Variants in FBXL5 observed in about 807,000 individuals in gnomAD.
FBXL5 encodes F-box/LRR-repeat protein 5.
In FBXL5, 26 loss-of-function variants were observed where a neutral mutation model predicts 78.3. The ratio of observed to expected loss-of-function variants is 0.33; its 90% CI spans 0.24 to 0.46. FBXL5 has a LOEUF of 0.46. Among genes scored for constraint, FBXL5 ranks in the 20% least tolerant of loss-of-function variants. The probability of loss-of-function intolerance (pLI) is 1.00; values close to 1 mark genes in which losing one functional copy is unlikely to be tolerated. For synonymous variants in FBXL5, 295 were observed against 282.5 expected, an observed-to-expected ratio of 1.04 and a Z score of -0.45; for missense variants, 710 against 829.2, an observed-to-expected ratio of 0.86 and a Z score of 1.77.
rs559813236 is a variant in FBXL5 at position 15,608,765 on chromosome 4, A to C, written c.2000-2966T>G. Among the ~76,000 whole-genome samples the C allele has an allele frequency of 3.9e-5, 6 of 152,216 alleles. No homozygotes were observed. The East Asian group carries it at 1.2e-3, about 29-fold the overall frequency. ...AGTAACTATAGTATTAAATGACTCA[A>C]AACTACAATCCTATGATAAGGTAAA... On this transcript the variant is annotated intron_variant, in intron 10 of 10. Coordinates refer to ENST00000341285, the MANE Select transcript of FBXL5 (RefSeq NM_012161.4).
chr4:15,636,228 A>G (rs1337612647), intron 5 of FBXL5: 1 of 310,826 alleles, frequency 3.2e-6, no homozygotes, highest in Non-Finnish European at 5.9e-6. Flanking sequence ...TATCTTCAAT[A>G]ATTATCAATT....
intron 1 of FBXL5, among the ~76,000 whole-genome samples, chr4:15,674,201 C>A (rs1441994782): frequency 7.4e-6 from 1 of 136,048 alleles, no homozygotes; most frequent in Non-Finnish European, 1.6e-5. Context: ...TCAAATGCAT[C>A]GTGTTTTTTT....
chr4:15,679,745 T>A (rs1243210761), intron 1 of FBXL5, among the ~76,000 whole-genome samples: 1 of 151,242 alleles, frequency 6.6e-6, no homozygotes. Flanking sequence ...CCAATTATAT[T>A]CCTGTTCTTT....
At chr4:15,649,082 G>C (rs1715657378) in intron 1 of FBXL5, among the ~76,000 whole-genome samples, 1 of 151,632 alleles carries the variant, frequency 6.6e-6, no homozygotes, top group Non-Finnish European at 1.5e-5. Flanking sequence ...AAAATATTTT[G>C]TACAACAGGT....
chr4:15,615,261 A>C (rs10222722), intron 9 of FBXL5, among the ~76,000 whole-genome samples: 1 of 151,858 alleles, frequency 6.6e-6, no homozygotes, highest in East Asian at 1.9e-4. Flanking sequence ...GCTCCACGGC[A>C]CCCAGTCCCA....
At position 15,655,300 on chromosome 4, in the gene FBXL5, A is replaced by G. The variant is rs1560243195; in HGVS notation, c.-13T>C. ...GAAAGGGCGCCATCGCCACTGCCTC[A>G]GCCTCCGCCTCAGCAGCCGCGGCCG... On this transcript the variant is annotated 5_prime_UTR_variant, in exon 1 of 11. Transcript: ENST00000341285. 7.2e-7 allele frequency: 1 copy of G among 1,395,112 alleles called. No homozygotes were observed. Among genetic ancestry groups the G allele is most frequent in the South Asian group, 1.4e-5 (1 of 72,870 alleles). 86.4% of individuals were successfully genotyped at this position (1,395,112 alleles called of 1,614,324 possible).
At chr4:15,626,671 T>C (rs1242426336) in intron 8 of FBXL5, among the ~76,000 whole-genome samples, 1 of 152,170 alleles carries the variant, frequency 6.6e-6, no homozygotes, top group East Asian at 1.9e-4. Context: ...ACTACAGAGA[T>C]TGCAAGATAA....
At chr4:15,655,369 G>GC (rs1484946035), upstream of FBXL5, 38 of 1,117,248 alleles carry the variant, frequency 3.4e-5, no homozygotes, top group East Asian at 9.6e-4. Context: ...GAGGCGGCGC[G>GC]CCCCCTTGCG....
intron 10 of FBXL5, among the ~76,000 whole-genome samples, chr4:15,606,765 G>A (rs1358798181): frequency 5.9e-5 from 9 of 152,180 alleles, no homozygotes; most frequent in Admixed American, 5.9e-4. Context: ...AACTGTACAT[G>A]AAATATAATT....
intron 1 of FBXL5, among the ~76,000 whole-genome samples, chr4:15,676,445 C>CA (rs1270147994): frequency 1.3e-5 from 2 of 150,060 alleles, no homozygotes; most frequent in African/African-American, 4.9e-5. Context: ...ATGTCAACAA[C>CA]AAAAAAAAGG....
At position 15,636,566 on chromosome 4, in the gene FBXL5, T is replaced by C; in HGVS notation, c.694A>G (p.Ser232Gly). 1 of 1,614,084 alleles carries C rather than the reference T, an allele frequency of 6.2e-7. No homozygotes were observed. Residue 232 changes from serine (S) to glycine (G), a missense_variant, in exon 5 of 11, where the codon AGC (serine) becomes GGC (glycine). By Grantham distance (56) the Ser-to-Gly change is moderately conservative. Coordinates refer to ENST00000341285, the MANE Select transcript of FBXL5 (RefSeq NM_012161.4). Reference protein sequence around the residue: ...PQELCRCSQVSMKWSQLTKTG... With the variant: ...PQELCRCSQVGMKWSQLTKTG... The stretch of plus-strand genomic sequence containing the variant: ...TTTGTCAGCTGAGACCATTTCATGC[T>C]TACTTGACTGCATCGACATAACTCT...
At chr4:15,624,909 G>C (rs921384878) in intron 9 of FBXL5, among the ~76,000 whole-genome samples, 2 of 152,160 alleles carry the variant, frequency 1.3e-5, no homozygotes, top group South Asian at 4.1e-4. Context: ...CACAGCAACA[G>C]AATATGCATA....
intron 1 of FBXL5, among the ~76,000 whole-genome samples, chr4:15,666,555 G>A (rs374182047): frequency 0.012 from 1,777 of 151,180 alleles, 30 homozygotes; most frequent in Non-Finnish European, 0.017. Flanking sequence ...CAGGTAGACA[G>A]GAGGAATAGG....
rs1714741243 is a variant in FBXL5, at chr4:15,640,448, A to G, written c.396+340T>C. Among the ~76,000 whole-genome samples, 6 of 152,092 alleles carry G rather than the reference A, an allele frequency of 3.9e-5. No individual in the cohort carries two copies. In the South Asian group the frequency reaches 1.2e-3, roughly 32 times the overall value. On this transcript the variant is annotated intron_variant, in intron 3 of 10. Transcript: ENST00000341285. ...TTTAAACATAGCATGAAAACAAAAA[A>G]ATATTTAAAAGTTTAAAGAATCCTC... is the stretch of plus-strand genomic sequence containing the variant.
chr4:15,665,110 C>T (rs1017923769), intron 1 of FBXL5, among the ~76,000 whole-genome samples: 3 of 152,256 alleles, frequency 2.0e-5, no homozygotes, highest in Admixed American at 6.5e-5. Flanking sequence ...AACTGAGCCA[C>T]GTGTCTCTCC....
At chr4:15,652,999 C>A (rs1716308953) in intron 1 of FBXL5, among the ~76,000 whole-genome samples, 1 of 152,156 alleles carries the variant, frequency 6.6e-6, no homozygotes, top group Non-Finnish European at 1.5e-5. Context: ...GATTACTGAA[C>A]CATTACAAAA....
At chr4:15,662,852 T>G (rs552320699), upstream of FBXL5, among the ~76,000 whole-genome samples, 3 of 152,292 alleles carry the variant, frequency 2.0e-5, no homozygotes, top group East Asian at 5.8e-4. Flanking sequence ...TGGCTAAACA[T>G]TATTCCCAGA....
intron 10 of FBXL5, among the ~76,000 whole-genome samples, chr4:15,608,235 T>C (rs192027160): frequency 6.6e-5 from 10 of 152,136 alleles, no homozygotes; most frequent in African/African-American, 1.7e-4. Flanking sequence ...AAGTATGCAA[T>C]TGGTTTTCAA....
chr4:15,605,915 G>T (rs1380226822), intron 10 of FBXL5, 116 bp from the exon 11 acceptor site: 1 of 719,604 alleles, frequency 1.4e-6, no homozygotes, highest in Non-Finnish European at 2.5e-6. Flanking sequence ...TTATATGATA[G>T]AAGTAAATCT....
Sources: gnomAD v4.1 joint callset for allele counts (sites outside exome capture counted in the v4.1 genomes callset) on GRCh38, gnomAD v4.1.1 for gene constraint, MANE v1.5 for transcripts, NCBI Gene and HGNC (gene_info 2026-07-23, HGNC 2026-07-21) for gene names.